Variants in CHCHD6 observed in about 807,000 individuals in gnomAD.
The protein encoded by CHCHD6 is coiled-coil-helix-coiled-coil-helix domain containing 6, also known as MICOS complex subunit MIC25.
Under a neutral mutation model 32.3 loss-of-function variants are expected in CHCHD6, and 28 were observed. The ratio of observed to expected loss-of-function variants is 0.87; its 90% confidence interval spans 0.64 to 1.19. The LOEUF is 1.19. Ranked by LOEUF, CHCHD6 falls within the 50% of genes most tolerant of loss-of-function variation. The probability of loss-of-function intolerance (pLI) is 0.00; values close to 1 mark genes in which losing one functional copy is unlikely to be tolerated. For synonymous variants in CHCHD6, 122 were observed against 117.5 expected, an observed-to-expected ratio of 1.04 and a Z score of -0.25; for missense variants, 333 against 307.0, an observed-to-expected ratio of 1.08 and a Z score of -0.63.
chr3:126,828,754 A>G lies in CHCHD6; in HGVS notation c.412-23893A>G, dbSNP rs562738769. Among the ~76,000 whole-genome samples, 47 of 152,198 alleles carry G rather than the reference A, an allele frequency of 3.1e-4. 1 individual carries two copies. Among genetic ancestry groups the G allele is most frequent in the Non-Finnish European group, 3.7e-4 (25 of 68,036 alleles). ...TCAGTCCAGGGTCTACCTGCCTTTC[A>G]GGAGAGGCCCTCCTCAAAGTCATCT... On this transcript the variant is annotated intron_variant, in intron 4 of 7. Coordinates refer to ENST00000290913, the MANE Select transcript of CHCHD6 (RefSeq NM_032343.3).
rs143937096 is a variant in CHCHD6 at position 126,945,165 on chromosome 3, G to A, written c.567-12251G>A. 6.1e-3 allele frequency among the ~76,000 whole-genome samples: 936 copies of A among 152,252 alleles called. 9 individuals carry two copies. The highest frequency in any genetic ancestry group is 0.021 in the African/African-American group (890 of 41,538). On this transcript the variant is annotated intron_variant, in intron 6 of 7. Coordinates refer to ENST00000290913, the MANE Select transcript of CHCHD6 (RefSeq NM_032343.3). ...AGGCTCAGGGCAGCAGAGCAGGCACGGGCGGCTCTTGTGAGGAGGACTTTG... is the reference window on the plus strand; with the variant it reads ...AGGCTCAGGGCAGCAGAGCAGGCACAGGCGGCTCTTGTGAGGAGGACTTTG...
chr3:126,911,599 G>A (rs2078091781), intron 5 of CHCHD6, among the ~76,000 whole-genome samples: 1 of 152,238 alleles, frequency 6.6e-6, no homozygotes, highest in Non-Finnish European at 1.5e-5. Context: ...GAGTCATTCT[G>A]AGAAACAATA....
chr3:126,851,694 A>G (rs1015844855), intron 4 of CHCHD6, among the ~76,000 whole-genome samples: 1 of 152,146 alleles, frequency 6.6e-6, no homozygotes, highest in Middle Eastern at 3.4e-3. Context: ...GCCCCTGGAG[A>G]CTCTGGGGAC....
intron 4 of CHCHD6, among the ~76,000 whole-genome samples, chr3:126,812,980 T>C (rs1400789091): frequency 6.6e-6 from 1 of 152,202 alleles, no homozygotes; most frequent in Non-Finnish European, 1.5e-5. Flanking sequence ...TTATGTATTA[T>C]AAACCTGATT....
chr3:126,838,335 C>T (rs1349278390), intron 4 of CHCHD6, among the ~76,000 whole-genome samples: 1 of 152,148 alleles, frequency 6.6e-6, no homozygotes, highest in Non-Finnish European at 1.5e-5. Flanking sequence ...CCTCCTGGCA[C>T]AGGTAGGTGG....
At chr3:126,823,066 C>G (rs1000621144) in intron 4 of CHCHD6, among the ~76,000 whole-genome samples, 3 of 152,006 alleles carry the variant, frequency 2.0e-5, no homozygotes, top group African/African-American at 4.8e-5. Flanking sequence ...TCACCACACC[C>G]TGCCAGTTGT....
intron 4 of CHCHD6, among the ~76,000 whole-genome samples, chr3:126,826,253 G>T (rs1940386933): frequency 6.6e-6 from 1 of 152,178 alleles, no homozygotes; most frequent in African/African-American, 2.4e-5. Flanking sequence ...CTGATGTGAT[G>T]GGTGGAAATA....
At chr3:126,791,537 C>G (rs947605827) in intron 4 of CHCHD6, among the ~76,000 whole-genome samples, 15 of 152,394 alleles carry the variant, frequency 9.8e-5, no homozygotes, top group African/African-American at 3.4e-4. Context: ...CGCCCCTCCC[C>G]CAGCCTCACT....
chr3:126,802,831 A>C (rs1440911122), intron 4 of CHCHD6, among the ~76,000 whole-genome samples: 1 of 152,260 alleles, frequency 6.6e-6, no homozygotes, highest in African/African-American at 2.4e-5. Context: ...TGGGTTACCC[A>C]CAAAGGGAAG....
At chr3:126,804,618 G>A (rs1461018990) in intron 4 of CHCHD6, among the ~76,000 whole-genome samples, 1 of 152,116 alleles carries the variant, frequency 6.6e-6, no homozygotes, top group African/African-American at 2.4e-5. Flanking sequence ...ATTCACAGAG[G>A]TATAAGGAGG....
intron 6 of CHCHD6, among the ~76,000 whole-genome samples, chr3:126,934,388 T>C (rs956993800): frequency 6.6e-6 from 1 of 152,080 alleles, no homozygotes; most frequent in Non-Finnish European, 1.5e-5. Context: ...ATTAGTGAAT[T>C]GGCTAATGAC....
At chr3:126,752,998 G>C (rs990877666) in intron 4 of CHCHD6, among the ~76,000 whole-genome samples, 1 of 152,156 alleles carries the variant, frequency 6.6e-6, no homozygotes, top group East Asian at 1.9e-4. Flanking sequence ...ATTAAGAACT[G>C]TGTCTGTGGA....
intron 4 of CHCHD6, among the ~76,000 whole-genome samples, chr3:126,773,640 A>C (rs1019563719): frequency 7.6e-6 from 1 of 131,094 alleles, no homozygotes; most frequent in African/African-American, 3.0e-5. Context: ...ACAGAGCGTC[A>C]GAGTCGCCTA....
chr3:126,887,610 C>T (rs754728410), intron 5 of CHCHD6, among the ~76,000 whole-genome samples: 1 of 152,150 alleles, frequency 6.6e-6, no homozygotes, highest in Non-Finnish European at 1.5e-5. Flanking sequence ...CAGCCTGAAA[C>T]CCATGTCTTC....
At chr3:126,834,471 G>A (rs1423385126) in intron 4 of CHCHD6, among the ~76,000 whole-genome samples, 2 of 152,112 alleles carry the variant, frequency 1.3e-5, no homozygotes, top group South Asian at 2.1e-4. Flanking sequence ...GTTGGGGGTC[G>A]CCTGTGGGTG....
intron 4 of CHCHD6, among the ~76,000 whole-genome samples, chr3:126,796,292 G>T (rs762089653): frequency 1.3e-5 from 2 of 152,222 alleles, no homozygotes; most frequent in Non-Finnish European, 2.9e-5. Flanking sequence ...CAAGGCTTCA[G>T]TGAGCTGAGA....
Position 126,808,354 on chromosome 3 carries a change from A to T in CHCHD6, c.412-44293A>T, listed in dbSNP as rs527960350. ...ATATTCTTTTGCCATATTCTGAATG[A>T]GGGCTGTAGGTCCAACCCTTGGTTT... On this transcript the variant is annotated intron_variant, in intron 4 of 7. Transcript: ENST00000290913. Among the ~76,000 whole-genome samples, 3 of 152,278 alleles carry T rather than the reference A, an allele frequency of 2.0e-5. No homozygotes were observed. The East Asian group carries it at 5.8e-4, about 29-fold the overall frequency.
At chr3:126,956,781 GA>G (rs1312291135) in intron 6 of CHCHD6, among the ~76,000 whole-genome samples, 1 of 151,860 alleles carries the variant, frequency 6.6e-6, no homozygotes, top group African/African-American at 2.4e-5. Context: ...GAAAAAGAAA[GA>G]AAAAAATAGT....
At chr3:126,929,635 G>A (rs547071218) in intron 6 of CHCHD6, among the ~76,000 whole-genome samples, 15 of 151,860 alleles carry the variant, frequency 9.9e-5, no homozygotes, top group African/African-American at 3.6e-4. Context: ...GCACAATCTC[G>A]GCTCACTGCA....
Sources: allele counts gnomAD v4.1 joint callset (sites outside exome capture counted in the v4.1 genomes callset), GRCh38; gene constraint gnomAD v4.1.1; transcripts MANE v1.5; gene names NCBI Gene and HGNC (gene_info 2026-07-23, HGNC 2026-07-21).